BOK: variants seen among roughly 807,000 people sequenced by gnomAD.
The protein encoded by BOK is bcl-2-related ovarian killer protein.
In BOK, 20 loss-of-function variants were observed where a neutral mutation model predicts 18.3. That is an observed-to-expected ratio of 1.09 (90% CI 0.77 to 1.59). The LOEUF is 1.59. Ranked by LOEUF, BOK falls within the 40% of genes most tolerant of loss-of-function variation. The pLI is 0.00. For missense variants in BOK, 348 were observed against 307.9 expected, an observed-to-expected ratio of 1.13 and a Z score of -0.97; for synonymous variants, 173 against 142.4, an observed-to-expected ratio of 1.21 and a Z score of -1.53.
At chr2:241,565,748 G>A (rs2066601357) in intron 3 of BOK, among the ~76,000 whole-genome samples, 1 of 152,194 alleles carries the variant, frequency 6.6e-6, no homozygotes, top group Non-Finnish European at 1.5e-5. Flanking sequence ...CAAGTCTCCA[G>A]CCCCAGGAGA....
chr2:241,572,354 G>T lies in BOK; in HGVS notation c.571G>T (p.Val191Leu), dbSNP rs374794185. 36 of 1,609,512 alleles carry T rather than the reference G, an allele frequency of 2.2e-5. No homozygotes were observed. In the African/African-American group the frequency reaches 4.0e-4, roughly 18 times the overall value. The change falls in exon 5 of 5, where the codon GTG (valine) becomes TTG (leucine). Residue 191 changes from valine to leucine, a missense_variant. By Grantham distance (32) the Val-to-Leu change is conservative. Coordinates refer to ENST00000318407, the MANE Select transcript of BOK (RefSeq NM_032515.5). ...TDPGLRSHWL[V>L]AALCSFGRFL... is the part of the protein sequence containing the mutation. Reference sequence around the variant, plus strand: ...CCCTGGCCTCCGCTCCCACTGGCTGGTGGCTGCACTCTGCAGCTTCGGCCG... The same window carrying T: ...CCCTGGCCTCCGCTCCCACTGGCTGTTGGCTGCACTCTGCAGCTTCGGCCG...
chr2:241,552,291 C>T (rs1332844030), intron 1 of BOK, among the ~76,000 whole-genome samples: 6 of 152,150 alleles, frequency 3.9e-5, no homozygotes, highest in African/African-American at 1.4e-4. Flanking sequence ...ACTCAGAATG[C>T]GGGACTCCCT....
In BOK at chr2:241,562,248, A is replaced by C; in HGVS notation, c.221-100A>C. The stretch of plus-strand genomic sequence containing the variant: ...GTGAGGAACAGGCTGGAATTCAAGC[A>C]TGGTCAGGTGGGGGTCAGGTGCAGG... On this transcript the variant is annotated intron_variant, in intron 2 of 4. Transcript: ENST00000318407. The surrounding 1 kb of genome is among the most constrained non-coding windows in gnomAD (Gnocchi z 4.5). The C allele has an allele frequency of 4.2e-6, 6 of 1,421,132 alleles. No homozygotes were observed. Among genetic ancestry groups the C allele is most frequent in the Non-Finnish European group, 5.6e-6 (6 of 1,063,090 alleles). 88.0% of individuals were successfully genotyped at this position (1,421,132 alleles called of 1,614,324 possible). A position where few individuals can be genotyped will look rare whatever the true frequency, so the allele number is the denominator to read the frequency against.
rs947077971 is a variant in BOK at position 241,559,518 on chromosome 2, C to G, written c.35C>G (p.Ala12Gly). Residue 12 changes from alanine (A) to glycine (G), a missense_variant, in exon 2 of 5, where the codon GCC becomes GGC. Physicochemically the swap from Ala to Gly is moderately conservative, Grantham distance 60. Coordinates refer to ENST00000318407, the MANE Select transcript of BOK (RefSeq NM_032515.5). The part of the protein sequence containing the change: ...EVLRRSSVFA[A>G]EIMDAFDRSP... ...CTGCGGCGCTCCTCGGTCTTCGCCGCCGAGATCATGGACGCCTTTGACCGC... is the reference window on the plus strand; with the variant it reads ...CTGCGGCGCTCCTCGGTCTTCGCCGGCGAGATCATGGACGCCTTTGACCGC... 2.7e-6 allele frequency: 4 copies of G among 1,507,224 alleles called. No individual in the cohort carries two copies. Among genetic ancestry groups the G allele is most frequent in the Admixed American group, 4.3e-5 (2 of 46,978 alleles). The allele number at this position is 1,507,224 out of a possible 1,614,324, so 93.4% of individuals were successfully genotyped here. A position where few individuals can be genotyped will look rare whatever the true frequency, so the allele number is the denominator to read the frequency against.
Position 241,559,672 on chromosome 2 carries a change from G to C in BOK, c.189G>C (p.Leu63=). 25 of 1,372,194 alleles carry C rather than the reference G, an allele frequency of 1.8e-5. No individual in the cohort carries two copies. Among genetic ancestry groups the C allele is most frequent in the Non-Finnish European group, 2.3e-5 (25 of 1,071,848 alleles). 85.0% of individuals were successfully genotyped at this position (1,372,194 alleles called of 1,614,324 possible). ...PERAAPVPGR[L]AEVCAVLLRL... is the part of the protein sequence containing the mutation. ...GTGCCGCGCCGGTCCCGGGACGCCT[G>C]GCTGAGGTGTGCGCGGTGCTGCTGC... The change falls in exon 2 of 5, where the codon CTG becomes CTC. Residue 63 remains leucine (L), a synonymous_variant. Transcript: ENST00000318407.
intron 3 of BOK, among the ~76,000 whole-genome samples, chr2:241,567,568 G>A (rs1207245713): frequency 1.5e-5 from 2 of 134,974 alleles, no homozygotes; most frequent in Non-Finnish European, 3.2e-5. Flanking sequence ...GAAGTGCAGC[G>A]GGTAGAGCAG....
Position 241,570,157 on chromosome 2 carries a change from GCGGT to G in BOK, c.383_386del (p.Ala128GlyfsTer10). 6.2e-7 allele frequency: 1 copy of G among 1,611,606 alleles called. No individual in the cohort carries two copies. The highest frequency in any genetic ancestry group is 8.5e-7 in the Non-Finnish European group (1 of 1,179,404). On this transcript the variant is annotated frameshift_variant, in exon 4 of 5. Coordinates refer to ENST00000318407, the MANE Select transcript of BOK (RefSeq NM_032515.5). LOFTEE classifies it high-confidence loss of function. ...GTGGGGCAAGGTGGTGTCCCTGTAT[GCGGT>G]GGCCGCGGGGCTGGCCGTGGACTGT...
At chr2:241,567,729 G>A (rs1356462076) in intron 3 of BOK, among the ~76,000 whole-genome samples, 1 of 135,250 alleles carries the variant, frequency 7.4e-6, no homozygotes, top group African/African-American at 2.9e-5. Context: ...ACAGCAACAC[G>A]AGAGCTTTAT....
intron 3 of BOK, among the ~76,000 whole-genome samples, chr2:241,563,438 G>A (rs146561468): frequency 1.3e-5 from 2 of 152,290 alleles, no homozygotes; most frequent in East Asian, 3.9e-4. Flanking sequence ...TGAGTGGTGC[G>A]CCGGCCCTGA....
intron 2 of BOK, chr2:241,560,349 T>C (rs2066508162): frequency 2.1e-6 from 2 of 938,502 alleles, no homozygotes; most frequent in East Asian, 1.2e-4. Context: ...CACCTGGGAA[T>C]GTTTATGTGA....
Position 241,569,938 on chromosome 2 carries a change from C to T in BOK, c.350-187C>T, listed in dbSNP as rs147749519. On this transcript the variant is annotated intron_variant, in intron 3 of 4. Transcript: ENST00000318407. ...GGCTGGGCAGGTGTGCAGTGGAGGC[C>T]GAGAAACCTGCCTGCCCAAGAACTA... Among the ~76,000 whole-genome samples, 47 of 152,260 alleles carry T rather than the reference C, an allele frequency of 3.1e-4. No homozygotes were observed. The East Asian group carries it at 7.5e-3, about 24-fold the overall frequency.
chr2:241,564,760 C>G (rs1048054387), intron 3 of BOK, among the ~76,000 whole-genome samples: 2 of 152,146 alleles, frequency 1.3e-5, no homozygotes, highest in African/African-American at 4.8e-5. Flanking sequence ...TCAGCCCTCC[C>G]TTGGCCGACG....
At position 241,562,363 on chromosome 2, in the gene BOK, T is replaced by A; in HGVS notation, c.236T>A (p.Met79Lys). Residue 79 changes from methionine to lysine, a missense_variant, in exon 3 of 5, where the codon ATG becomes AAG. Coordinates refer to ENST00000318407, the MANE Select transcript of BOK (RefSeq NM_032515.5). This position sits in a 1 kb window ranked among gnomAD's most constrained non-coding sequence, Gnocchi z 4.5. ...VLLRLGDELE[M>K]IRPSVYRNVA... ...GACCACACAGGCGATGAGCTGGAGA[T>A]GATCCGGCCCAGCGTCTACCGCAAC... The A allele has an allele frequency of 6.2e-7, 1 of 1,607,322 alleles. No homozygotes were observed. Among genetic ancestry groups the A allele is most frequent in the Non-Finnish European group, 8.5e-7 (1 of 1,177,560 alleles).
upstream of BOK, among the ~76,000 whole-genome samples, chr2:241,556,366 C>T (rs530308847): frequency 6.6e-5 from 10 of 152,232 alleles, no homozygotes; most frequent in South Asian, 1.7e-3. Context: ...AGGTAGATCA[C>T]GAGGTCAAGA....
chr2:241,552,850 CAG>C (rs995429600), intron 1 of BOK, among the ~76,000 whole-genome samples: 10 of 152,236 alleles, frequency 6.6e-5, no homozygotes, highest in Admixed American at 4.6e-4. Context: ...CTGCCCTCCT[CAG>C]AGGCAGCCTG....
Position 241,559,612 on chromosome 2 carries a change from G to A in BOK, c.129G>A (p.Leu43=). 1 of 1,476,694 alleles carries A rather than the reference G, an allele frequency of 6.8e-7. No individual in the cohort carries two copies. Among genetic ancestry groups the A allele is most frequent in the Non-Finnish European group, 8.9e-7 (1 of 1,120,600 alleles). 91.5% of individuals were successfully genotyped at this position (1,476,694 alleles called of 1,614,324 possible). A position where few individuals can be genotyped will look rare whatever the true frequency, so the allele number is the denominator to read the frequency against. The change falls in exon 2 of 5, where the codon CTG becomes CTA. Residue 43 remains leucine (L), a synonymous_variant. Coordinates refer to ENST00000318407, the MANE Select transcript of BOK (RefSeq NM_032515.5). ...ALGREYVHAR[L]LRAGLSWSAP... Reference sequence around the variant, plus strand: ...GCCGGGAGTACGTGCACGCGCGGCTGCTGCGCGCCGGCCTCTCCTGGAGCG... The same window carrying A: ...GCCGGGAGTACGTGCACGCGCGGCTACTGCGCGCCGGCCTCTCCTGGAGCG...
At chr2:241,563,859 C>T (rs183840521) in intron 3 of BOK, among the ~76,000 whole-genome samples, 3 of 152,210 alleles carry the variant, frequency 2.0e-5, no homozygotes, top group Non-Finnish European at 4.4e-5. Flanking sequence ...CTCCACCCAC[C>T]GGAGGGCAAG....
At chr2:241,560,247 G>A in intron 2 of BOK, 1 of 985,452 alleles carries the variant, frequency 1.0e-6, no homozygotes. Flanking sequence ...TCCACTGGCT[G>A]CCCCCACCGT....
chr2:241,569,403 T>C (rs1049733740), intron 3 of BOK, among the ~76,000 whole-genome samples: 1 of 152,248 alleles, frequency 6.6e-6, no homozygotes, highest in Admixed American at 6.5e-5. Context: ...AGTGCTGGGA[T>C]TCCAGGCGTG....
Sources: gnomAD v4.1 joint callset for allele counts (sites outside exome capture counted in the v4.1 genomes callset) on GRCh38, gnomAD v4.1.1 for gene constraint, Gnocchi (gnomAD v3.1) non-coding constraint, MANE v1.5 for transcripts, NCBI Gene and HGNC (gene_info 2026-07-23, HGNC 2026-07-21) for gene names.